The following CYRIB variants were observed in gnomAD, a reference collection of about 807,000 sequenced individuals.
CYRIB encodes CYFIP-related Rac1 interactor B.
A neutral mutation model predicts 44.2 loss-of-function variants in CYRIB; 8 were observed. The ratio of observed to expected loss-of-function variants is 0.18; its 90% confidence interval spans 0.11 to 0.33. CYRIB has a LOEUF of 0.33. Among genes scored for constraint, CYRIB ranks in the 10% least tolerant of loss-of-function variants. The pLI is 1.00. For missense variants in CYRIB, 185 were observed against 382.8 expected, an observed-to-expected ratio of 0.48 and a Z score of 4.31; for synonymous variants, 131 against 127.2, an observed-to-expected ratio of 1.03 and a Z score of -0.20.
chr8:129,967,379 GTTTT>G (rs942280306), intron 2 of CYRIB, among the ~76,000 whole-genome samples: 12 of 149,344 alleles, frequency 8.0e-5, no homozygotes, highest in African/African-American at 2.7e-4. Flanking sequence ...TTGTTTTTTT[GTTTT>G]TTTGTTTTTT....
intron 1 of CYRIB, among the ~76,000 whole-genome samples, chr8:129,911,562 G>A (rs193263868): frequency 5.1e-4 from 77 of 152,094 alleles, no homozygotes; most frequent in African/African-American, 1.8e-3. Flanking sequence ...AGCACTTTGC[G>A]AGGCCAAGGT....
At chr8:129,932,040 C>G (rs2138430818) in intron 1 of CYRIB, among the ~76,000 whole-genome samples, 1 of 148,622 alleles carries the variant, frequency 6.7e-6, no homozygotes, top group Admixed American at 6.7e-5. Context: ...CTCTGGTTGC[C>G]CAGGCTGGAG....
chr8:129,988,946 C>G lies in CYRIB; in HGVS notation c.-295-17951G>C, dbSNP rs190706404. 1.2e-3 allele frequency among the ~76,000 whole-genome samples: 176 copies of G among 152,260 alleles called. 1 individual carries two copies. Among genetic ancestry groups the G allele is most frequent in the Non-Finnish European group, 2.6e-4 (18 of 68,024 alleles). On this transcript the variant is annotated intron_variant, in intron 1 of 14. Transcript: ENST00000401979. ...TCATTTCAAAATAGACCCTGGAGAT[C>G]TTCTAGTACAACCTTCCCATTTTAC...
exon 12 of CYRIB, chr8:129,840,845 C>A (rs2035975195): frequency 6.6e-6 from 1 of 152,182 alleles, no homozygotes; most frequent in Non-Finnish European, 1.5e-5. Flanking sequence ...GCTGTGTGTG[C>A]CATGATCTGG....
At chr8:129,904,276 T>A (rs1262851229) in intron 1 of CYRIB, among the ~76,000 whole-genome samples, 3 of 152,114 alleles carry the variant, frequency 2.0e-5, no homozygotes, top group Non-Finnish European at 4.4e-5. Context: ...GGCTTTGCAA[T>A]AGGAGACGTC....
chr8:129,854,955 C>G (rs1263108580), intron 6 of CYRIB, among the ~76,000 whole-genome samples: 1 of 150,238 alleles, frequency 6.7e-6, no homozygotes, highest in Non-Finnish European at 1.5e-5. Flanking sequence ...TAAACAATGA[C>G]AGAGGAAAAA....
intron 1 of CYRIB, among the ~76,000 whole-genome samples, chr8:129,932,953 C>T (rs1303757457): frequency 1.3e-5 from 2 of 152,100 alleles, no homozygotes; most frequent in African/African-American, 4.8e-5. Context: ...AAATTAGCCA[C>T]CCAAATGGTG....
intron 11 of CYRIB, among the ~76,000 whole-genome samples, chr8:129,845,107 C>T (rs780568441): frequency 6.6e-6 from 1 of 152,178 alleles, no homozygotes; most frequent in African/African-American, 2.4e-5. Flanking sequence ...GACTTCAACC[C>T]TGTCTTTCAC....
chr8:129,949,492 A>G (rs1038708457), intron 2 of CYRIB: 1 of 152,242 alleles, frequency 6.6e-6, no homozygotes, highest in Admixed American at 6.5e-5. Flanking sequence ...TGCATAAATC[A>G]TTCCACCTGC....
intron 1 of CYRIB, among the ~76,000 whole-genome samples, chr8:129,912,729 T>C (rs1032978044): frequency 7.2e-5 from 11 of 151,910 alleles, no homozygotes; most frequent in African/African-American, 2.7e-4. Context: ...TTCTTGCAAG[T>C]CATTTTTTTT....
chr8:129,871,310 AAG>A, intron 4 of CYRIB, 63 bp downstream of exon 6: 1 of 1,527,878 alleles, frequency 6.5e-7, no homozygotes, highest in Non-Finnish European at 8.8e-7. Flanking sequence ...TCTAGAAAAC[AAG>A]AGATTACAAA....
intron 4 of CYRIB, chr8:129,864,454 G>A (rs1161414455): frequency 1.9e-5 from 3 of 161,328 alleles, no homozygotes; most frequent in Non-Finnish European, 4.1e-5. Context: ...TTTCTGTCTG[G>A]TGGCAGCCAT....
At chr8:129,911,734 T>G (rs575847641) in intron 1 of CYRIB, among the ~76,000 whole-genome samples, 9 of 152,168 alleles carry the variant, frequency 5.9e-5, no homozygotes, top group African/African-American at 2.2e-4. Context: ...TGTTTTCAAT[T>G]ATGAAAAACC....
At chr8:129,994,697 C>T (rs1217659939) in intron 1 of CYRIB, among the ~76,000 whole-genome samples, 1 of 152,204 alleles carries the variant, frequency 6.6e-6, no homozygotes, top group Non-Finnish European at 1.5e-5. Context: ...TATGGAACAT[C>T]GACAACAGAA....
In CYRIB at chr8:129,923,245, G is replaced by GA. The variant is rs1378464276; in HGVS notation, c.-50+16362dup. Among the ~76,000 whole-genome samples the GA allele has an allele frequency of 4.6e-4, 22 of 47,848 alleles. No individual in the cohort carries two copies. The East Asian group carries it at 0.015, about 32-fold the overall frequency. The allele number at this position is 47,848 out of a possible 152,430, so 31.4% of individuals were successfully genotyped here. Reference sequence around the variant, plus strand: ...GCAACAAGAGCAAAACTCTTAAAAAGAAAAAAATCTCCACCTAAGTCTACA... The same window carrying GA: ...GCAACAAGAGCAAAACTCTTAAAAAGAAAAAAAATCTCCACCTAAGTCTACA... On this transcript the variant is annotated intron_variant, in intron 1 of 11. Coordinates refer to ENST00000519824, the Ensembl canonical transcript of CYRIB.
At chr8:129,891,195 C>T (rs1003294737) in intron 2 of CYRIB, among the ~76,000 whole-genome samples, 1 of 152,200 alleles carries the variant, frequency 6.6e-6, no homozygotes, top group Non-Finnish European at 1.5e-5. Flanking sequence ...CTTTTGTTCC[C>T]TCAGCCCTAA....
chr8:129,894,764 C>T lies in CYRIB; in HGVS notation c.-11+8548G>A, dbSNP rs1486969064. Among the ~76,000 whole-genome samples, 4 of 152,108 alleles carry T rather than the reference C, an allele frequency of 2.6e-5. No homozygotes were observed. The East Asian group carries it at 7.7e-4, about 29-fold the overall frequency. On this transcript the variant is annotated intron_variant, in intron 2 of 11. Coordinates refer to ENST00000519824, the Ensembl canonical transcript of CYRIB. ...CTTATTTTATTTTTGCTACTCTGTTCTCTCCCTTGTTCCTTTTGCTCTTCC... is the reference window on the plus strand; with the variant it reads ...CTTATTTTATTTTTGCTACTCTGTTTTCTCCCTTGTTCCTTTTGCTCTTCC...
chr8:129,993,696 CA>C (rs901947850), intron 1 of CYRIB, among the ~76,000 whole-genome samples: 621 of 129,278 alleles, frequency 4.8e-3, no homozygotes, highest in Middle Eastern at 8.2e-3. Context: ...AACTCTCTCT[CA>C]AAAAAAAAAA....
intron 1 of CYRIB, among the ~76,000 whole-genome samples, chr8:130,009,702 G>C (rs1459599538): frequency 3.3e-5 from 5 of 152,224 alleles, no homozygotes; most frequent in African/African-American, 1.2e-4. Flanking sequence ...TGTATATGGA[G>C]GCTTTCTGCT....
Sources: allele counts gnomAD v4.1 joint callset (sites outside exome capture counted in the v4.1 genomes callset), GRCh38; gene constraint gnomAD v4.1.1; transcripts MANE v1.5; gene names NCBI Gene and HGNC (gene_info 2026-07-23, HGNC 2026-07-21).